THSD7B: variants seen among roughly 807,000 people sequenced by gnomAD.
THSD7B encodes thrombospondin type-1 domain-containing protein 7B.
THSD7B carries 138 observed loss-of-function variants against 213.6 expected under a neutral mutation model. That is an observed-to-expected ratio of 0.65 (90% confidence interval 0.56 to 0.74). The LOEUF (loss-of-function observed/expected upper bound fraction) is 0.74. Ranked by LOEUF, THSD7B falls within the 30% of genes least tolerant of loss-of-function variation. The pLI is 0.00. For missense variants in THSD7B, 1,931 were observed against 1,991.5 expected (o/e 0.97, Z 0.58); for synonymous variants, 742 against 687.0 (o/e 1.08, Z -1.25).
chr2:136,990,971 C>A, intron 2 of THSD7B: 1 of 1,317,194 alleles, frequency 7.6e-7, no homozygotes, highest in Non-Finnish European at 1.0e-6. Context: ...GGAAAGACAT[C>A]AAAACTATCA....
intron 2 of THSD7B, among the ~76,000 whole-genome samples, chr2:136,967,963 T>G (rs538857723): frequency 2.8e-4 from 43 of 152,302 alleles, no homozygotes; most frequent in African/African-American, 1.0e-3. Flanking sequence ...ATGTTTTTAT[T>G]GCTGTATAGC....
chr2:137,560,254 A>T (rs759197880), intron 15 of THSD7B, among the ~76,000 whole-genome samples: 6 of 152,172 alleles, frequency 3.9e-5, no homozygotes, highest in Non-Finnish European at 8.8e-5. Context: ...ATAAAGACAC[A>T]TGCACACGTG....
chr2:136,788,065 C>T (rs1047680668), intron 1 of THSD7B, among the ~76,000 whole-genome samples: 1 of 152,158 alleles, frequency 6.6e-6, no homozygotes, highest in Non-Finnish European at 1.5e-5. Flanking sequence ...AAGGCAGGAT[C>T]GTGTTGAAGC....
At chr2:136,948,671 TAAA>T (rs1233643780) in intron 2 of THSD7B, among the ~76,000 whole-genome samples, 1 of 152,334 alleles carries the variant, frequency 6.6e-6, no homozygotes, top group East Asian at 1.9e-4. Context: ...ATGTGTATAA[TAAA>T]AGCATTTGAA....
In THSD7B at chr2:136,831,129, C is replaced by CTTTTTTTT. The variant is rs776235166; in HGVS notation, c.-35-51005_-35-50998dup. Among the ~76,000 whole-genome samples, 12 of 119,844 alleles carry CTTTTTTTT rather than the reference C, an allele frequency of 1.0e-4. 1 individual carries two copies. Among genetic ancestry groups the CTTTTTTTT allele is most frequent in the African/African-American group, 1.6e-4 (5 of 32,014 alleles). The allele number at this position is 119,844 out of a possible 152,430, so 78.6% of individuals were successfully genotyped here. On this transcript the variant is annotated intron_variant, in intron 1 of 27. Coordinates refer to ENST00000409968, the MANE Select transcript of THSD7B (RefSeq NM_001316349.2). ...GTCTGGAGTTCTCGGCCTGTAGAATCTTTTTTTTTTTTTTTTTAGCCATAT... is the reference window on the plus strand; with the variant it reads ...GTCTGGAGTTCTCGGCCTGTAGAATCTTTTTTTTTTTTTTTTTTTTTTTTTAGCCATAT...
chr2:136,847,463 C>A (rs968281850), intron 1 of THSD7B, among the ~76,000 whole-genome samples: 1 of 152,114 alleles, frequency 6.6e-6, no homozygotes, highest in Admixed American at 6.6e-5. Flanking sequence ...TCTCATGGAG[C>A]AAAGATTATG....
chr2:137,069,140 C>CT (rs1687432494), intron 3 of THSD7B, among the ~76,000 whole-genome samples: 1 of 151,974 alleles, frequency 6.6e-6, no homozygotes, highest in Non-Finnish European at 1.5e-5. Flanking sequence ...CCTAATTTTT[C>CT]TTTTTCATTT....
intron 10 of THSD7B, among the ~76,000 whole-genome samples, chr2:137,253,622 G>A (rs1407166589): frequency 2.6e-5 from 4 of 152,060 alleles, no homozygotes; most frequent in African/African-American, 9.7e-5. Flanking sequence ...GTCGATAGAG[G>A]TAAATGAGTT....
chr2:137,287,527 C>T (rs1683214717), intron 12 of THSD7B, among the ~76,000 whole-genome samples: 1 of 151,968 alleles, frequency 6.6e-6, no homozygotes, highest in South Asian at 2.1e-4. Flanking sequence ...GTAGAATGTG[C>T]ACACTTTTTT....
At chr2:137,273,264 A>G (rs1225290226) in intron 11 of THSD7B, among the ~76,000 whole-genome samples, 1 of 152,142 alleles carries the variant, frequency 6.6e-6, no homozygotes, top group African/African-American at 2.4e-5. Flanking sequence ...TACAAAAAGA[A>G]AATGAATAAC....
intron 15 of THSD7B, among the ~76,000 whole-genome samples, chr2:137,526,780 A>G (rs1680287872): frequency 6.6e-6 from 1 of 152,152 alleles, no homozygotes; most frequent in African/African-American, 2.4e-5. Flanking sequence ...TTAATAATAA[A>G]TGTGGTGCAC....
rs183440832 is a variant in THSD7B at position 136,941,687 on chromosome 2, A to T, written c.139+59370A>T. On this transcript the variant is annotated intron_variant, in intron 2 of 27. Coordinates refer to ENST00000409968, the MANE Select transcript of THSD7B (RefSeq NM_001316349.2). ...AAGTGTCTGTTCATATCCTTTGCCCACTTTTTGATTTTTTTTTCTTGAAAA... is the reference window on the plus strand; with the variant it reads ...AAGTGTCTGTTCATATCCTTTGCCCTCTTTTTGATTTTTTTTTCTTGAAAA... Among the ~76,000 whole-genome samples, 3 of 151,548 alleles carry T rather than the reference A, an allele frequency of 2.0e-5. No individual in the cohort carries two copies. In the East Asian group the frequency reaches 5.8e-4, roughly 29 times the overall value.
intron 3 of THSD7B, among the ~76,000 whole-genome samples, chr2:137,070,655 G>A (rs1202011390): frequency 1.3e-5 from 2 of 151,714 alleles, no homozygotes; most frequent in Non-Finnish European, 2.9e-5. Context: ...TTGGTGTGCT[G>A]CACCCATTAA....
At chr2:136,923,016 A>G (rs890333173) in intron 2 of THSD7B, among the ~76,000 whole-genome samples, 2 of 152,334 alleles carry the variant, frequency 1.3e-5, no homozygotes, top group South Asian at 2.1e-4. Context: ...TGTACAGTTC[A>G]GTAGTGTTAA....
At chr2:137,283,041 T>C (rs921197978) in intron 12 of THSD7B, among the ~76,000 whole-genome samples, 6 of 152,224 alleles carry the variant, frequency 3.9e-5, no homozygotes, top group Non-Finnish European at 7.3e-5. Flanking sequence ...CCCATGAGCA[T>C]GGAATATTCT....
intron 2 of THSD7B, among the ~76,000 whole-genome samples, chr2:136,983,369 ACG>A (rs1573748898): frequency 6.7e-6 from 1 of 149,078 alleles, no homozygotes; most frequent in African/African-American, 2.5e-5. Context: ...ACACACACAC[ACG>A]CACACACACT....
intron 2 of THSD7B, among the ~76,000 whole-genome samples, chr2:136,942,023 A>G (rs1318009446): frequency 6.6e-6 from 1 of 152,214 alleles, no homozygotes; most frequent in Non-Finnish European, 1.5e-5. Flanking sequence ...TAATTTTTGT[A>G]TAAGGTGTAC....
intron 4 of THSD7B, among the ~76,000 whole-genome samples, chr2:137,096,267 A>T (rs972282852): frequency 1.3e-5 from 2 of 152,308 alleles, no homozygotes; most frequent in Admixed American, 1.3e-4. Context: ...GCAGCCAAAA[A>T]TAAAGTAAGA....
chr2:137,275,016 A>G (rs1458284280), intron 11 of THSD7B, among the ~76,000 whole-genome samples: 1 of 152,038 alleles, frequency 6.6e-6, no homozygotes, highest in Non-Finnish European at 1.5e-5. Flanking sequence ...TCATATGAAA[A>G]GGGTTAAAAT....
Sources: gnomAD v4.1 joint callset for allele counts (sites outside exome capture counted in the v4.1 genomes callset) on GRCh38, gnomAD v4.1.1 for gene constraint, MANE v1.5 for transcripts, NCBI Gene and HGNC (gene_info 2026-07-23, HGNC 2026-07-21) for gene names.